Variants in KCNMA1 observed in about 807,000 individuals in gnomAD.
KCNMA1 encodes Calcium-activated potassium channel subunit alpha-1.
Under a neutral mutation model 140.0 loss-of-function variants are expected in KCNMA1, and 29 were observed. The ratio of observed to expected loss-of-function variants is 0.21; its 90% CI spans 0.15 to 0.28. KCNMA1 has a LOEUF of 0.28. Ranked by LOEUF, KCNMA1 falls within the 10% of genes least tolerant of loss-of-function variation. The pLI is 1.00. For synonymous variants in KCNMA1, 612 were observed against 611.9 expected, an observed-to-expected ratio of 1.00 and a Z score of 0.00; for missense variants, 880 against 1,602.2, an observed-to-expected ratio of 0.55 and a Z score of 7.70.
chr10:77,206,372 T>C (rs1401137896), intron 3 of KCNMA1, among the ~76,000 whole-genome samples: 1 of 152,190 alleles, frequency 6.6e-6, no homozygotes, highest in Non-Finnish European at 1.5e-5. Flanking sequence ...TAAGAATTCA[T>C]TGAGTGGTGT....
intron 25 of KCNMA1, among the ~76,000 whole-genome samples, chr10:76,899,916 C>A (rs1031186749): frequency 6.6e-6 from 1 of 151,956 alleles, no homozygotes; most frequent in African/African-American, 2.4e-5. Context: ...CCCAAAACAC[C>A]ATGAATCACA....
chr10:77,352,650 T>TGTGTGTGTG (rs1566177733), intron 2 of KCNMA1, among the ~76,000 whole-genome samples: 8 of 136,952 alleles, frequency 5.8e-5, no homozygotes, highest in Non-Finnish European at 8.3e-5. Flanking sequence ...GTGTGTGTGT[T>TGTGTGTGTG]TGTGTGTGTG....
chr10:77,267,806 T>G (rs956513), intron 2 of KCNMA1, among the ~76,000 whole-genome samples: 6 of 152,292 alleles, frequency 3.9e-5, no homozygotes, highest in South Asian at 2.1e-4. Context: ...AACAATAGAA[T>G]GGCTGCTGCA....
chr10:77,336,434 A>G (rs1293668551), intron 2 of KCNMA1, among the ~76,000 whole-genome samples: 1 of 152,024 alleles, frequency 6.6e-6, no homozygotes, highest in African/African-American at 2.4e-5. Context: ...CAATGCTTAA[A>G]AAAAAAAAAG....
chr10:77,202,250 A>G (rs1486169985), intron 3 of KCNMA1, among the ~76,000 whole-genome samples: 1 of 152,230 alleles, frequency 6.6e-6, no homozygotes, highest in African/African-American at 2.4e-5. Context: ...AACATTAACT[A>G]TCTTAGTTCC....
intron 5 of KCNMA1, among the ~76,000 whole-genome samples, chr10:77,133,627 A>C (rs963745844): frequency 1.3e-5 from 2 of 150,992 alleles, no homozygotes; most frequent in African/African-American, 4.8e-5. Context: ...ACAAAAAAAA[A>C]CTTTATACAC....
chr10:77,573,486 C>T (rs1296866481), intron 1 of KCNMA1, among the ~76,000 whole-genome samples: 1 of 152,128 alleles, frequency 6.6e-6, no homozygotes, highest in African/African-American at 2.4e-5. Flanking sequence ...TGAGGCAAAA[C>T]CTCAGCATCC....
At chr10:77,117,963 T>C (rs1397895682) in intron 6 of KCNMA1, among the ~76,000 whole-genome samples, 2 of 152,252 alleles carry the variant, frequency 1.3e-5, no homozygotes, top group Non-Finnish European at 2.9e-5. Context: ...TTCTGCTGCA[T>C]TCTTAATTCT....
At chr10:77,477,169 G>A (rs560012695) in intron 1 of KCNMA1, among the ~76,000 whole-genome samples, 7 of 152,314 alleles carry the variant, frequency 4.6e-5, no homozygotes, top group South Asian at 2.1e-4. Context: ...ATCCCACAGG[G>A]GTTGCCATGG....
intron 3 of KCNMA1, among the ~76,000 whole-genome samples, chr10:77,238,208 C>T (rs10824500): frequency 0.063 from 9,538 of 152,254 alleles, 744 homozygotes; most frequent in East Asian, 0.21. Flanking sequence ...CGACTCTCTA[C>T]ACTCACCTCT....
intron 1 of KCNMA1, among the ~76,000 whole-genome samples, chr10:77,409,162 A>G (rs551985216): frequency 6.6e-6 from 1 of 152,162 alleles, no homozygotes; most frequent in South Asian, 2.1e-4. Context: ...CACCCTTCCT[A>G]TGTCACCTGG....
At chr10:77,208,441 A>C (rs1481961699) in intron 3 of KCNMA1, among the ~76,000 whole-genome samples, 1 of 152,150 alleles carries the variant, frequency 6.6e-6, no homozygotes, top group East Asian at 1.9e-4. Flanking sequence ...GTAAGTTATG[A>C]TCACACAACT....
intron 14 of KCNMA1, among the ~76,000 whole-genome samples, chr10:77,060,325 T>C (rs2095692907): frequency 6.6e-6 from 1 of 152,200 alleles, no homozygotes; most frequent in South Asian, 2.1e-4. Context: ...CAGAAGATTG[T>C]TCCTAGACCT....
chr10:77,602,980 G>A (rs2083149755), intron 1 of KCNMA1, among the ~76,000 whole-genome samples: 1 of 152,178 alleles, frequency 6.6e-6, no homozygotes, highest in African/African-American at 2.4e-5. Flanking sequence ...TCCTTCTCAG[G>A]GAAGCCGGGG....
chr10:76,930,564 G>A lies in KCNMA1; in HGVS notation c.2902+14209C>T, dbSNP rs556818486. 2.9e-4 allele frequency among the ~76,000 whole-genome samples: 44 copies of A among 152,170 alleles called. 1 individual carries two copies. The highest frequency in any genetic ancestry group is 1.0e-3 in the African/African-American group (43 of 41,528). On this transcript the variant is annotated intron_variant, in intron 23 of 27. Transcript: ENST00000286628. ...ACAGCCCTATAGAAGACAGTATGAAGTTTCTATAAAAAATTAAAAATAGAA... is the reference window on the plus strand; with the variant it reads ...ACAGCCCTATAGAAGACAGTATGAAATTTCTATAAAAAATTAAAAATAGAA...
At chr10:77,103,821 T>C (rs1428199884) in intron 9 of KCNMA1, among the ~76,000 whole-genome samples, 1 of 151,948 alleles carries the variant, frequency 6.6e-6, no homozygotes, top group Non-Finnish European at 1.5e-5. Context: ...CCCTTAGGGG[T>C]AGTGGGTGGG....
At position 77,324,821 on chromosome 10, in the gene KCNMA1, A is replaced by G. The variant is rs142665946; in HGVS notation, c.541-73565T>C. Among the ~76,000 whole-genome samples, 362 of 152,286 alleles carry G rather than the reference A, an allele frequency of 2.4e-3. 3 individuals carry two copies. The highest frequency in any genetic ancestry group is 7.5e-3 in the African/African-American group (313 of 41,568). On this transcript the variant is annotated intron_variant, in intron 2 of 27. Coordinates refer to ENST00000286628, the MANE Select transcript of KCNMA1 (RefSeq NM_001161352.2). Reference sequence around the variant, plus strand: ...GCCAGGCTATGGTGGAGGCAACAGAAGGAATACAGGGGTCCCCTTTCCAAA... The same window carrying G: ...GCCAGGCTATGGTGGAGGCAACAGAGGGAATACAGGGGTCCCCTTTCCAAA...
intron 1 of KCNMA1, among the ~76,000 whole-genome samples, chr10:77,486,424 A>G (rs1157816835): frequency 6.6e-6 from 1 of 152,152 alleles, no homozygotes; most frequent in East Asian, 1.9e-4. Context: ...TTTAAAATGG[A>G]GCCAATTATA....
At chr10:76,887,583 C>A (rs902750507) in intron 27 of KCNMA1, 68 bp from the exon 28 acceptor site, 1 of 1,584,930 alleles carries the variant, frequency 6.3e-7, no homozygotes, top group Admixed American at 1.7e-5. Context: ...TCTCTCTGAA[C>A]CAAAAGCAAT....
Sources: allele counts gnomAD v4.1 joint callset (sites outside exome capture counted in the v4.1 genomes callset), GRCh38; gene constraint gnomAD v4.1.1; transcripts MANE v1.5; gene names NCBI Gene and HGNC (gene_info 2026-07-23, HGNC 2026-07-21).